The following NUP42 variants were observed in gnomAD, a reference collection of about 807,000 sequenced individuals.
The protein encoded by NUP42 is nucleoporin NUP42.
A neutral mutation model predicts 35.9 loss-of-function variants in NUP42; 47 were observed. The observed-to-expected ratio is 1.31, with a 90% CI of 1.04 to 1.67. The LOEUF (loss-of-function observed/expected upper bound fraction) is 1.67, where lower values mean the gene tolerates loss of function less well. NUP42 is among the 40% of genes most tolerant of loss of function. NUP42 has a pLI of 0.00. For synonymous variants in NUP42, 173 were observed against 173.3 expected (o/e 1.00, Z 0.01); for missense variants, 514 against 492.2 (o/e 1.04, Z -0.42).
chr7:23,198,206 T>TG (rs1786084419), intron 5 of NUP42: 1 of 45,978 alleles, frequency 2.2e-5, no homozygotes, highest in Non-Finnish European at 3.8e-5. Context: ...AAAAGCATTC[T>TG]TTTTTTTTTT....
intron 3 of NUP42, among the ~76,000 whole-genome samples, chr7:23,193,294 C>T (rs1435280134): frequency 1.3e-5 from 2 of 152,178 alleles, no homozygotes; most frequent in African/African-American, 4.8e-5. Context: ...GGGCAGCCTG[C>T]TTTTATTCTC....
intron 3 of NUP42, among the ~76,000 whole-genome samples, chr7:23,194,014 C>G (rs1413468259): frequency 6.6e-6 from 1 of 152,248 alleles, no homozygotes; most frequent in Non-Finnish European, 1.5e-5. Context: ...CAGCCGGCAG[C>G]TCTGAGTGTG....
chr7:23,192,451 G>A (rs1785826316), intron 3 of NUP42, among the ~76,000 whole-genome samples: 1 of 151,012 alleles, frequency 6.6e-6, no homozygotes, highest in African/African-American at 2.4e-5. Context: ...GGAGGCTGAG[G>A]CAGGAGAATT....
At position 23,182,152 on chromosome 7, in the gene NUP42, C is replaced by G. The variant is rs1455355345; in HGVS notation, c.67C>G (p.Pro23Ala). Reference sequence around the variant, plus strand: ...TGGAGATCGGTGCTGGAACGAACATCCCGGTGCTAGGGGTGCAGGAGGAGG... The same window carrying G: ...TGGAGATCGGTGCTGGAACGAACATGCCGGTGCTAGGGGTGCAGGAGGAGG... ...RFGDRCWNEH[P>A]GARGAGGGRQ... Residue 23 changes from proline (P) to alanine (A), a missense_variant, in exon 1 of 7, where the codon CCC becomes GCC. By Grantham distance (27) the Pro-to-Ala change is conservative. Coordinates refer to ENST00000258742, the MANE Select transcript of NUP42 (RefSeq NM_007342.3). 2 of 1,613,994 alleles carry G rather than the reference C, an allele frequency of 1.2e-6. No individual in the cohort carries two copies. The highest frequency in any genetic ancestry group is 3.3e-5 in the Admixed American group (2 of 59,992).
intron 1 of NUP42, 100 bp downstream of exon 1, chr7:23,182,306 T>A (rs1169038054): frequency 6.7e-7 from 1 of 1,503,440 alleles, no homozygotes; most frequent in East Asian, 2.5e-5. Context: ...GACCCCAACG[T>A]GCCCGCGTCG....
At chr7:23,193,877 C>T (rs1006912498) in intron 3 of NUP42, among the ~76,000 whole-genome samples, 7 of 152,242 alleles carry the variant, frequency 4.6e-5, no homozygotes, top group South Asian at 4.1e-4. Context: ...AGCCCTGCCC[C>T]GCAGGGAGGC....
chr7:23,196,921 T>C (rs1786032046), intron 5 of NUP42, among the ~76,000 whole-genome samples, 155 bp downstream of exon 5: 1 of 152,242 alleles, frequency 6.6e-6, no homozygotes. Flanking sequence ...AGTCAGGGTC[T>C]TGAAATAGTT....
intron 3 of NUP42, chr7:23,187,928 T>G: frequency 9.8e-6 from 5 of 508,622 alleles, no homozygotes; most frequent in South Asian, 3.5e-5. Context: ...TGCTTTAGAA[T>G]ATTCTCTGTC....
chr7:23,192,536 G>A (rs955327309), intron 3 of NUP42, among the ~76,000 whole-genome samples: 1 of 121,592 alleles, frequency 8.2e-6, no homozygotes, highest in African/African-American at 3.4e-5. Flanking sequence ...AACAGAGCAA[G>A]ACTTCATCTC....
chr7:23,182,863 G>C (rs534740023), intron 1 of NUP42, among the ~76,000 whole-genome samples: 1 of 149,186 alleles, frequency 6.7e-6, no homozygotes, highest in South Asian at 2.1e-4. Flanking sequence ...GCAGTGGGCC[G>C]AGATCGTGCC....
In NUP42 at chr7:23,197,261, T is replaced by C. The variant is rs971297374; in HGVS notation, c.609+495T>C. Reference sequence around the variant, plus strand: ...TTCATTATCTTTGTAAATAAAGTTATGATGTTTCTACACCCATTAAAAAGT... The same window carrying C: ...TTCATTATCTTTGTAAATAAAGTTACGATGTTTCTACACCCATTAAAAAGT... On this transcript the variant is annotated intron_variant, in intron 5 of 6. Coordinates refer to ENST00000258742, the MANE Select transcript of NUP42 (RefSeq NM_007342.3). The C allele has an allele frequency of 8.0e-6, 10 of 1,253,306 alleles. No individual in the cohort carries two copies. The African/African-American group carries it at 9.3e-5, about 12-fold the overall frequency. The allele number at this position is 1,253,306 out of a possible 1,614,324, so 77.6% of individuals were successfully genotyped here.
chr7:23,192,178 A>T (rs1445517238), intron 3 of NUP42, among the ~76,000 whole-genome samples: 1 of 152,210 alleles, frequency 6.6e-6, no homozygotes, highest in Non-Finnish European at 1.5e-5. Flanking sequence ...GCAGTCAAAA[A>T]TCCACGTATA....
chr7:23,185,838 C>G (rs1583759264), intron 2 of NUP42, among the ~76,000 whole-genome samples: 1 of 152,158 alleles, frequency 6.6e-6, no homozygotes, highest in Non-Finnish European at 1.5e-5. Context: ...CTTCTGGGCT[C>G]AAGCCATTCT....
chr7:23,185,962 A>C (rs754251406), intron 2 of NUP42, among the ~76,000 whole-genome samples: 7,014 of 151,478 alleles, frequency 0.046, 234 homozygotes, highest in Non-Finnish European at 0.07. Flanking sequence ...CTGGTCTTGA[A>C]CTCTTGACCT....
In NUP42 at chr7:23,182,078, C is replaced by A. The variant is rs751152483; in HGVS notation, c.-8C>A. 6.2e-7 allele frequency: 1 copy of A among 1,613,638 alleles called. No individual in the cohort carries two copies. The highest frequency in any genetic ancestry group is 8.5e-7 in the Non-Finnish European group (1 of 1,180,002). On this transcript the variant is annotated 5_prime_UTR_variant, in exon 1 of 7. Coordinates refer to ENST00000258742, the MANE Select transcript of NUP42 (RefSeq NM_007342.3). ...CTGAAGACGCCCTCCGTCAGCGACG[C>A]CGTCGCAATGGCCATTTGTCAATTC...
At chr7:23,187,178 G>A in intron 3 of NUP42, 32 bp downstream of exon 3, 2 of 1,394,170 alleles carry the variant, frequency 1.4e-6, no homozygotes, top group Non-Finnish European at 2.0e-6. Flanking sequence ...TTTAAAGTAT[G>A]TTCTAAAACT....
chr7:23,183,708 CAAAT>C (rs931142302), intron 1 of NUP42, among the ~76,000 whole-genome samples: 7 of 91,828 alleles, frequency 7.6e-5, no homozygotes, highest in Admixed American at 2.9e-4. Context: ...CTCCCAGAAA[CAAAT>C]GAATGTTTCT....
At chr7:23,182,597 T>C (rs903272690) in intron 1 of NUP42, 6 of 803,668 alleles carry the variant, frequency 7.5e-6, no homozygotes, top group African/African-American at 1.9e-5. Flanking sequence ...GTGGACTTCT[T>C]TGAAAAAATC....
chr7:23,196,783 T>C lies in NUP42; in HGVS notation c.609+17T>C, dbSNP rs76452127. The C allele has an allele frequency of 2.3e-5, 35 of 1,528,498 alleles. No individual in the cohort carries two copies. The African/African-American group carries it at 4.6e-4, about 20-fold the overall frequency. The allele number at this position is 1,528,498 out of a possible 1,614,324, so 94.7% of individuals were successfully genotyped here. The stretch of plus-strand genomic sequence containing the variant: ...GTAGCTTTGGTGAGTATGGGAGAGT[T>C]TTCTTGAGGGAAGTGTCTTACCTAT... On this transcript the variant is annotated intron_variant, in intron 5 of 6. Transcript: ENST00000258742.
Sources: gnomAD v4.1 joint callset for allele counts (sites outside exome capture counted in the v4.1 genomes callset) on GRCh38, gnomAD v4.1.1 for gene constraint, MANE v1.5 for transcripts, NCBI Gene and HGNC (gene_info 2026-07-23, HGNC 2026-07-21) for gene names.